Variants in NAALADL2 observed in about 807,000 individuals in gnomAD.
NAALADL2 encodes inactive N-acetylated-alpha-linked acidic dipeptidase-like protein 2.
NAALADL2 carries 76 observed loss-of-function variants against 87.2 expected under a neutral mutation model. That is an observed-to-expected ratio of 0.87 (90% confidence interval 0.72 to 1.05). The LOEUF (loss-of-function observed/expected upper bound fraction) is 1.05, where lower values mean the gene tolerates loss of function less well. NAALADL2 is among the 50% of genes least tolerant of loss of function. The pLI is 0.00. For missense variants in NAALADL2, 1,089 were observed against 945.8 expected (o/e 1.15, Z -1.99); for synonymous variants, 354 against 331.0 (o/e 1.07, Z -0.75).
At position 175,367,454 on chromosome 3, in the gene NAALADL2, C is replaced by T. The variant is rs370549392; in HGVS notation, c.1090+43129C>T. Among the ~76,000 whole-genome samples the T allele has an allele frequency of 2.0e-4, 31 of 152,024 alleles. 1 individual carries two copies. Among genetic ancestry groups the T allele is most frequent in the Middle Eastern group, 6.8e-3 (2 of 294 alleles). On this transcript the variant is annotated intron_variant, in intron 5 of 13. Coordinates refer to ENST00000454872, the MANE Select transcript of NAALADL2 (RefSeq NM_207015.3). ...AATCTATAAATTACCTGGGGCAATA[C>T]GGCCATTTTCACGATACTGATTCTT...
intron 2 of NAALADL2, among the ~76,000 whole-genome samples, chr3:175,209,331 G>A (rs553430717): frequency 8.5e-5 from 13 of 152,168 alleles, no homozygotes; most frequent in Non-Finnish European, 1.5e-4. Flanking sequence ...GCTATATTCC[G>A]TCTATCCAAT....
intron 11 of NAALADL2, chr3:175,718,800 A>G: frequency 1.6e-6 from 1 of 617,958 alleles, no homozygotes; most frequent in East Asian, 2.9e-5. Flanking sequence ...GGTGACGCAC[A>G]CACCACTGCA....
At position 175,446,159 on chromosome 3, in the gene NAALADL2, C is replaced by T. The variant is rs549490814; in HGVS notation, c.1091-1070C>T. ...CTCATCATATTTGCTAAGAGTGAAC[C>T]TTCTATTACCCTACCTGGAGAGAAG... On this transcript the variant is annotated intron_variant, in intron 5 of 13. Coordinates refer to ENST00000454872, the MANE Select transcript of NAALADL2 (RefSeq NM_207015.3). Among the ~76,000 whole-genome samples the T allele has an allele frequency of 2.2e-4, 32 of 147,876 alleles. No individual in the cohort carries two copies. The South Asian group carries it at 5.7e-3, about 26-fold the overall frequency.
intron 11 of NAALADL2, among the ~76,000 whole-genome samples, chr3:175,630,730 C>T (rs1727644496): frequency 6.6e-6 from 1 of 151,454 alleles, no homozygotes; most frequent in Non-Finnish European, 1.5e-5. Flanking sequence ...CACAACATAT[C>T]ACAGGTATAG....
At chr3:174,886,842 A>G (rs1301133187) in intron 1 of NAALADL2, among the ~76,000 whole-genome samples, 1 of 152,082 alleles carries the variant, frequency 6.6e-6, no homozygotes, top group African/African-American at 2.4e-5. Flanking sequence ...ATGTCTACCT[A>G]CTTCTCCTTT....
At chr3:174,949,074 A>G (rs989890864) in intron 1 of NAALADL2, among the ~76,000 whole-genome samples, 1 of 152,086 alleles carries the variant, frequency 6.6e-6, no homozygotes, top group Admixed American at 6.6e-5. Flanking sequence ...TCCTTTTATG[A>G]GTTCTCTACC....
intron 12 of NAALADL2, among the ~76,000 whole-genome samples, chr3:175,744,483 A>C (rs58067763): frequency 0.016 from 2,405 of 152,316 alleles, 62 homozygotes; most frequent in African/African-American, 0.054. Flanking sequence ...ATGTACCCAT[A>C]TTAGAAAAAA....
chr3:175,135,534 C>T (rs1035942906), intron 2 of NAALADL2, among the ~76,000 whole-genome samples: 44 of 151,868 alleles, frequency 2.9e-4, no homozygotes, highest in African/African-American at 1.0e-3. Flanking sequence ...TAAACACCAC[C>T]AAGTTAGTCA....
intron 5 of NAALADL2, chr3:175,369,494 CAAGT>C (rs1306487944): frequency 6.6e-6 from 1 of 151,044 alleles, no homozygotes. Flanking sequence ...ATATAGGTAA[CAAGT>C]ATGTGTGTGC....
At chr3:175,281,112 TA>T (rs5854624) in intron 4 of NAALADL2, among the ~76,000 whole-genome samples, 34,718 of 144,544 alleles carry the variant, frequency 0.24, 4,450 homozygotes, top group East Asian at 0.48. Context: ...AATTAAAACT[TA>T]AAAAAAATAT....
rs1184741228 is a variant in NAALADL2, at chr3:175,040,643, G to A, written c.44-56147G>A. 7.2e-5 allele frequency among the ~76,000 whole-genome samples: 11 copies of A among 152,084 alleles called. No individual in the cohort carries two copies. In the Middle Eastern group the frequency reaches 0.01, roughly 141 times the overall value. On this transcript the variant is annotated intron_variant, in intron 1 of 13. Transcript: ENST00000454872. ...CACTAATAACCTTTTTTCCATCTAC[G>A]ATAGTATACTACTTCAAGGCTCAAT... is the stretch of plus-strand genomic sequence containing the variant.
chr3:175,517,411 A>G (rs1249248311), intron 9 of NAALADL2, among the ~76,000 whole-genome samples: 2 of 152,204 alleles, frequency 1.3e-5, no homozygotes, highest in African/African-American at 4.8e-5. Flanking sequence ...ATGTCAATTT[A>G]GAAAATATTT....
chr3:175,357,853 A>G (rs1247500139), intron 5 of NAALADL2, among the ~76,000 whole-genome samples: 1 of 152,152 alleles, frequency 6.6e-6, no homozygotes, highest in Non-Finnish European at 1.5e-5. Context: ...AATTGGGTTT[A>G]TAGAGGCCAG....
chr3:175,506,500 C>A (rs1401175728), intron 9 of NAALADL2, among the ~76,000 whole-genome samples: 1 of 152,188 alleles, frequency 6.6e-6, no homozygotes, highest in African/African-American at 2.4e-5. Flanking sequence ...AGCATATACA[C>A]TTGCTGTGAA....
At chr3:175,393,005 T>C (rs534009885) in intron 5 of NAALADL2, among the ~76,000 whole-genome samples, 1 of 152,242 alleles carries the variant, frequency 6.6e-6, no homozygotes, top group East Asian at 1.9e-4. Flanking sequence ...AATAAAGACA[T>C]TTAAAATTGT....
chr3:175,032,070 T>G (rs538151558), intron 1 of NAALADL2, among the ~76,000 whole-genome samples: 73 of 152,214 alleles, frequency 4.8e-4, no homozygotes, highest in African/African-American at 1.7e-3. Context: ...TGTTGTCTGT[T>G]TATTTTTTTG....
intron 1 of NAALADL2, among the ~76,000 whole-genome samples, chr3:174,515,881 G>A (rs1208287467): frequency 6.6e-6 from 1 of 151,934 alleles, no homozygotes; most frequent in Non-Finnish European, 1.5e-5. Context: ...AGCAGTCTTA[G>A]ATAAAAACAG....
At chr3:174,514,928 C>T (rs1353364244) in intron 1 of NAALADL2, among the ~76,000 whole-genome samples, 1 of 152,078 alleles carries the variant, frequency 6.6e-6, no homozygotes, top group African/African-American at 2.4e-5. Flanking sequence ...GGCTTGCTAC[C>T]TACTTCCAAG....
chr3:175,336,076 C>G (rs1456098909), intron 5 of NAALADL2, among the ~76,000 whole-genome samples: 1 of 152,074 alleles, frequency 6.6e-6, no homozygotes, highest in Non-Finnish European at 1.5e-5. Context: ...ATTGAATACC[C>G]TCGCTGCTTC....
Sources: gnomAD v4.1 joint callset for allele counts (sites outside exome capture counted in the v4.1 genomes callset) on GRCh38, gnomAD v4.1.1 for gene constraint, MANE v1.5 for transcripts, NCBI Gene and HGNC (gene_info 2026-07-23, HGNC 2026-07-21) for gene names.